The following SCAI variants were observed in gnomAD, a reference collection of about 807,000 sequenced individuals.
The protein encoded by SCAI is protein SCAI.
A neutral mutation model predicts 92.2 loss-of-function variants in SCAI; 24 were observed. That is an observed-to-expected ratio of 0.26 (90% CI 0.19 to 0.37). SCAI has a LOEUF of 0.37. Among genes scored for constraint, SCAI ranks in the 10% least tolerant of loss-of-function variants. SCAI has a pLI of 1.00. For missense variants in SCAI, 450 were observed against 736.2 expected, an observed-to-expected ratio of 0.61 and a Z score of 4.50; for synonymous variants, 261 against 258.6, an observed-to-expected ratio of 1.01 and a Z score of -0.09.
intron 3 of SCAI, among the ~76,000 whole-genome samples, chr9:125,046,565 G>C (rs1833448232): frequency 6.6e-6 from 1 of 150,464 alleles, no homozygotes; most frequent in African/African-American, 2.4e-5. Context: ...TAGGGTAGGA[G>C]GGGCGTGAGG....
chr9:125,002,068 AC>A, intron 11 of SCAI, 25 bp from the exon 12 acceptor site: 1 of 1,455,468 alleles, frequency 6.9e-7, no homozygotes, highest in Non-Finnish European at 9.7e-7. Context: ...AATCACATAC[AC>A]AAAACAACAA....
At chr9:124,993,706 TG>T (rs1832181685) in intron 14 of SCAI, among the ~76,000 whole-genome samples, 1 of 152,184 alleles carries the variant, frequency 6.6e-6, no homozygotes, top group African/African-American at 2.4e-5. Flanking sequence ...TGGAAGCTCT[TG>T]GAATAAAGAG....
At chr9:125,048,144 A>G (rs1833483876) in intron 3 of SCAI, among the ~76,000 whole-genome samples, 1 of 151,960 alleles carries the variant, frequency 6.6e-6, no homozygotes, top group Non-Finnish European at 1.5e-5. Context: ...ATGCCCAGCT[A>G]ATTTTGTATT....
chr9:125,071,466 A>G (rs1199542338), intron 2 of SCAI, among the ~76,000 whole-genome samples: 1 of 152,222 alleles, frequency 6.6e-6, no homozygotes, highest in East Asian at 1.9e-4. Context: ...CTTCTTGTTG[A>G]TCAATGTATA....
At chr9:124,997,708 T>A (rs1832267649) in intron 13 of SCAI, among the ~76,000 whole-genome samples, 2 of 152,034 alleles carry the variant, frequency 1.3e-5, no homozygotes, top group South Asian at 4.2e-4. Context: ...AAACCCCATC[T>A]CTACTAAAAA....
At position 125,129,454 on chromosome 9, in the gene SCAI, CTTTTTTTTTT is replaced by C. The variant is rs1171739834; in HGVS notation, c.98+13169_98+13178del. Reference sequence around the variant, plus strand: ...AGAAGGAATGAAAGAATTAGAATTTCTTTTTTTTTTTTTTTTTTTTTTTTTTTGAGACAGA... The same window carrying C: ...AGAAGGAATGAAAGAATTAGAATTTCTTTTTTTTTTTTTTTTTGAGACAGA... On this transcript the variant is annotated intron_variant, in intron 2 of 17. Coordinates refer to ENST00000336505, the MANE Select transcript of SCAI (RefSeq NM_001144877.3). Among the ~76,000 whole-genome samples, 32 of 67,578 alleles carry C rather than the reference CTTTTTTTTTT, an allele frequency of 4.7e-4. 1 individual carries two copies. Among genetic ancestry groups the C allele is most frequent in the African/African-American group, 8.7e-4 (13 of 15,004 alleles). 44.3% of individuals were successfully genotyped at this position (67,578 alleles called of 152,430 possible). A position where few individuals can be genotyped will look rare whatever the true frequency, so the allele number is the denominator to read the frequency against.
At chr9:125,075,082 T>C (rs946392358) in intron 2 of SCAI, among the ~76,000 whole-genome samples, 4 of 152,176 alleles carry the variant, frequency 2.6e-5, no homozygotes, top group African/African-American at 9.7e-5. Flanking sequence ...GGAATGACTA[T>C]TTATGAAGCT....
intron 14 of SCAI, among the ~76,000 whole-genome samples, chr9:124,985,692 A>G (rs1351582887): frequency 6.6e-6 from 1 of 151,738 alleles, no homozygotes; most frequent in East Asian, 1.9e-4. Flanking sequence ...ACATGGAGAA[A>G]CCCCGTCTCT....
At chr9:125,108,218 A>G (rs1347735363) in intron 2 of SCAI, among the ~76,000 whole-genome samples, 1 of 152,204 alleles carries the variant, frequency 6.6e-6, no homozygotes, top group Non-Finnish European at 1.5e-5. Context: ...TTGGCCTCCC[A>G]AAGTGCCGAG....
At chr9:125,009,571 C>A (rs750263284) in intron 9 of SCAI, among the ~76,000 whole-genome samples, 4 of 152,082 alleles carry the variant, frequency 2.6e-5, no homozygotes, top group Non-Finnish European at 5.9e-5. Flanking sequence ...TGAGTCACCA[C>A]GCCCAGCCCA....
At chr9:125,070,361 T>A (rs1833957846) in intron 2 of SCAI, among the ~76,000 whole-genome samples, 1 of 151,580 alleles carries the variant, frequency 6.6e-6, no homozygotes, top group Admixed American at 6.6e-5. Context: ...CATAAAATTA[T>A]CATGAATTAT....
At chr9:125,096,887 T>A (rs958952786) in intron 2 of SCAI, among the ~76,000 whole-genome samples, 1 of 152,240 alleles carries the variant, frequency 6.6e-6, no homozygotes, top group Non-Finnish European at 1.5e-5. Context: ...AAGTATTGCA[T>A]GGACCACATC....
chr9:125,051,396 T>C (rs1046781347), intron 3 of SCAI, among the ~76,000 whole-genome samples: 1 of 152,214 alleles, frequency 6.6e-6, no homozygotes, highest in Non-Finnish European at 1.5e-5. Context: ...TATTTGCTTA[T>C]CCACTCTTCC....
chr9:124,948,526 T>C lies in SCAI; in HGVS notation c.*4281A>G, dbSNP rs1190390616. 1 of 152,256 alleles carries C rather than the reference T, an allele frequency of 6.6e-6. No individual in the cohort carries two copies. The highest frequency in any genetic ancestry group is 1.5e-5 in the Non-Finnish European group (1 of 68,056). 9.4% of individuals were successfully genotyped at this position (152,256 alleles called of 1,614,324 possible). A position where few individuals can be genotyped will look rare whatever the true frequency, so the allele number is the denominator to read the frequency against. On this transcript the variant is annotated 3_prime_UTR_variant, in exon 18 of 18. Coordinates refer to ENST00000336505, the MANE Select transcript of SCAI (RefSeq NM_001144877.3). ...GTTCATTATAGAAAGCAGTCTGAGC[T>C]ACTGAGAAGACTGGGCTGAGATGAG... is the stretch of plus-strand genomic sequence containing the variant.
chr9:125,103,390 C>T (rs1464085757), intron 2 of SCAI, among the ~76,000 whole-genome samples: 2 of 152,110 alleles, frequency 1.3e-5, no homozygotes, highest in Non-Finnish European at 2.9e-5. Flanking sequence ...ACCTCATATT[C>T]TATCCTGAGC....
chr9:125,003,254 CA>C, intron 10 of SCAI, 39 bp from the exon 11 acceptor site: 1 of 1,465,602 alleles, frequency 6.8e-7, no homozygotes, highest in Non-Finnish European at 9.6e-7. Flanking sequence ...ATAAAAGCTG[CA>C]TTTGACAAAT....
chr9:125,109,269 C>T (rs1257514025), intron 2 of SCAI, among the ~76,000 whole-genome samples: 1 of 152,086 alleles, frequency 6.6e-6, no homozygotes, highest in African/African-American at 2.4e-5. Context: ...CCTTTGTTCA[C>T]TTGTTTATCT....
intron 3 of SCAI, among the ~76,000 whole-genome samples, chr9:125,041,210 T>C (rs911518056): frequency 2.6e-5 from 4 of 152,206 alleles, no homozygotes; most frequent in Non-Finnish European, 4.4e-5. Context: ...ATTACAGAAA[T>C]AGGTTAACTG....
rs372337256 is a variant in SCAI, at chr9:124,970,844, C to T, written c.1674+526G>A. On this transcript the variant is annotated intron_variant, in intron 17 of 17. Coordinates refer to ENST00000336505, the MANE Select transcript of SCAI (RefSeq NM_001144877.3). ...TTTTTAATTTTTTGAGTTGGAGTTT[C>T]GTTCTTGTCGTCCAGGCTGGAGTGC... 1.8e-4 allele frequency among the ~76,000 whole-genome samples: 27 copies of T among 151,810 alleles called. No individual in the cohort carries two copies. In the East Asian group the frequency reaches 4.5e-3, roughly 25 times the overall value.
Sources: gnomAD v4.1 joint callset for allele counts (sites outside exome capture counted in the v4.1 genomes callset) on GRCh38, gnomAD v4.1.1 for gene constraint, MANE v1.5 for transcripts, NCBI Gene and HGNC (gene_info 2026-07-23, HGNC 2026-07-21) for gene names.